Variants in CDC14B observed in about 807,000 individuals in gnomAD.
CDC14B encodes dual specificity protein phosphatase CDC14B.
In CDC14B, 22 loss-of-function variants were observed where a neutral mutation model predicts 64.2. The ratio of observed to expected loss-of-function variants is 0.34; its 90% CI spans 0.24 to 0.49. The LOEUF is 0.49. Ranked by LOEUF, CDC14B falls within the 20% of genes least tolerant of loss-of-function variation. The pLI is 0.99. For missense variants in CDC14B, 498 were observed against 629.9 expected (o/e 0.79, Z 2.24); for synonymous variants, 191 against 215.8 (o/e 0.89, Z 1.01).
chr9:96,593,778 G>T (rs1845911654), intron 1 of CDC14B, among the ~76,000 whole-genome samples: 1 of 152,078 alleles, frequency 6.6e-6, no homozygotes, highest in Non-Finnish European at 1.5e-5. Flanking sequence ...GCATCCAACA[G>T]ACATACACAA....
At chr9:96,581,367 G>A (rs1405139618) in intron 1 of CDC14B, among the ~76,000 whole-genome samples, 1 of 152,092 alleles carries the variant, frequency 6.6e-6, no homozygotes, top group Non-Finnish European at 1.5e-5. Flanking sequence ...TACTTGGGAG[G>A]CTGAGGCAGG....
At chr9:96,581,486 TTAAA>T (rs1313298417) in intron 1 of CDC14B, among the ~76,000 whole-genome samples, 1 of 149,070 alleles carries the variant, frequency 6.7e-6, no homozygotes, top group Admixed American at 6.7e-5. Context: ...AATTAATTAA[TTAAA>T]TTAATTAAAT....
chr9:96,583,773 C>T (rs927160940), intron 1 of CDC14B, among the ~76,000 whole-genome samples: 3 of 151,934 alleles, frequency 2.0e-5, no homozygotes, highest in South Asian at 4.2e-4. Flanking sequence ...GGCTGGAGTG[C>T]AGTGGCGCGA....
At chr9:96,579,155 T>G (rs1029807071) in intron 1 of CDC14B, among the ~76,000 whole-genome samples, 1 of 152,144 alleles carries the variant, frequency 6.6e-6, no homozygotes, top group Non-Finnish European at 1.5e-5. Context: ...TAATGTAAGA[T>G]GATGTTATGG....
At chr9:96,539,269 G>A in intron 6 of CDC14B, 129 bp from the exon 7 acceptor site, 1 of 637,436 alleles carries the variant, frequency 1.6e-6, no homozygotes. Flanking sequence ...ACTTTCCACT[G>A]AACAGCTTTC....
At chr9:96,567,198 T>A in intron 1 of CDC14B, 1 of 275,690 alleles carries the variant, frequency 3.6e-6, no homozygotes, top group African/African-American at 2.3e-5. Context: ...CCAGCGGGCC[T>A]GCAGAGGGAA....
intron 1 of CDC14B, 133 bp downstream of exon 1, chr9:96,619,086 C>T (rs1847821600): frequency 3.5e-6 from 2 of 569,484 alleles, no homozygotes; most frequent in Admixed American, 5.2e-5. Flanking sequence ...GCGGCCGGGG[C>T]GTTTAAGGGG....
chr9:96,530,532 G>A (rs1200292599), intron 9 of CDC14B, among the ~76,000 whole-genome samples: 8 of 150,288 alleles, frequency 5.3e-5, no homozygotes, highest in Non-Finnish European at 1.0e-4. Context: ...TACCCACCTC[G>A]GCCTCCCAAA....
intron 5 of CDC14B, among the ~76,000 whole-genome samples, chr9:96,548,945 T>C (rs1841390964): frequency 6.6e-6 from 1 of 152,230 alleles, no homozygotes; most frequent in South Asian, 2.1e-4. Context: ...AATACTTTGT[T>C]GGTCATATTT....
chr9:96,596,445 C>T (rs1846083221), intron 1 of CDC14B, among the ~76,000 whole-genome samples: 1 of 149,272 alleles, frequency 6.7e-6, no homozygotes, highest in Non-Finnish European at 1.5e-5. Flanking sequence ...ATAAAAACTA[C>T]AATTATGAGA....
At chr9:96,576,280 C>CA (rs981031305) in intron 1 of CDC14B, among the ~76,000 whole-genome samples, 56 of 145,578 alleles carry the variant, frequency 3.8e-4, no homozygotes, top group African/African-American at 1.3e-3. Context: ...AACTCCATCT[C>CA]AAAAAAAAAG....
At chr9:96,541,300 C>T (rs1840026280) in intron 6 of CDC14B, among the ~76,000 whole-genome samples, 1 of 152,248 alleles carries the variant, frequency 6.6e-6, no homozygotes, top group Admixed American at 6.5e-5. Flanking sequence ...AATAGTTTGA[C>T]AAAGCAGCAG....
At chr9:96,549,662 TAAAAAAAA>T (rs797012054) in intron 5 of CDC14B, among the ~76,000 whole-genome samples, 1 of 140,776 alleles carries the variant, frequency 7.1e-6, no homozygotes, top group Non-Finnish European at 1.6e-5. Flanking sequence ...AGACTCCGTC[TAAAAAAAA>T]AAAAAGAAAG....
At chr9:96,600,114 G>A (rs1846335896) in intron 1 of CDC14B, among the ~76,000 whole-genome samples, 1 of 151,782 alleles carries the variant, frequency 6.6e-6, no homozygotes, top group Non-Finnish European at 1.5e-5. Flanking sequence ...AAGAATCTTG[G>A]CTGAGCATGA....
At chr9:96,603,147 T>C (rs576942248) in intron 1 of CDC14B, among the ~76,000 whole-genome samples, 7 of 135,390 alleles carry the variant, frequency 5.2e-5, no homozygotes, top group East Asian at 2.4e-4. Context: ...TTTGAGGTGA[T>C]AGAAACGGAC....
intron 1 of CDC14B, among the ~76,000 whole-genome samples, chr9:96,574,697 C>CA (rs57056796): frequency 0.043 from 2,153 of 49,964 alleles, 59 homozygotes; most frequent in Non-Finnish European, 0.054. Flanking sequence ...CTCGGTCTCA[C>CA]AAAAAAAAAA....
At chr9:96,614,053 C>G (rs1049382379) in intron 1 of CDC14B, among the ~76,000 whole-genome samples, 1 of 152,002 alleles carries the variant, frequency 6.6e-6, no homozygotes, top group Non-Finnish European at 1.5e-5. Flanking sequence ...GCAATCCTGA[C>G]CTCAATTAGT....
At chr9:96,601,456 C>T (rs1004655388) in intron 1 of CDC14B, among the ~76,000 whole-genome samples, 11 of 151,022 alleles carry the variant, frequency 7.3e-5, no homozygotes, top group African/African-American at 2.7e-4. Context: ...AAGATTGCAC[C>T]ACTGCACTCC....
At chr9:96,600,798 C>T (rs562503225) in intron 1 of CDC14B, among the ~76,000 whole-genome samples, 124 of 152,192 alleles carry the variant, frequency 8.1e-4, no homozygotes, top group Admixed American at 3.3e-3. Flanking sequence ...CCACCGCACC[C>T]GGCCTAGCGT....
Sources: allele counts gnomAD v4.1 joint callset (sites outside exome capture counted in the v4.1 genomes callset), GRCh38; gene constraint gnomAD v4.1.1; transcripts MANE v1.5; gene names NCBI Gene and HGNC (gene_info 2026-07-23, HGNC 2026-07-21).